SIL1: variants seen among roughly 807,000 people sequenced by gnomAD.
SIL1 encodes SIL1 nucleotide exchange factor, also known as nucleotide exchange factor SIL1.
In SIL1, 40 loss-of-function variants were observed where a neutral mutation model predicts 49.1. That is an observed-to-expected ratio of 0.81 (90% CI 0.63 to 1.06). The LOEUF (loss-of-function observed/expected upper bound fraction) is 1.06, where lower values mean the gene tolerates loss of function less well. Among genes scored for constraint, SIL1 ranks in the 50% least tolerant of loss-of-function variants. The probability of loss-of-function intolerance (pLI) is 0.00; values close to 1 mark genes in which losing one functional copy is unlikely to be tolerated. For missense variants in SIL1, 500 were observed against 572.6 expected (o/e 0.87, Z 1.29); for synonymous variants, 253 against 250.8 (o/e 1.01, Z -0.08).
Position 139,192,850 on chromosome 5 carries a change from A to G in SIL1, c.-11+5419T>C, listed in dbSNP as rs555592527. On this transcript the variant is annotated intron_variant, in intron 1 of 9. Transcript: ENST00000394817. ...GTCTCTACCAAAAAAAAAAAAAATT[A>G]GCCAGATGTGGTGGCACATGCCTGT... is the stretch of plus-strand genomic sequence containing the variant. Among the ~76,000 whole-genome samples the G allele has an allele frequency of 2.6e-5, 4 of 151,900 alleles. No homozygotes were observed. In the South Asian group the frequency reaches 8.3e-4, roughly 32 times the overall value.
intron 1 of SIL1, among the ~76,000 whole-genome samples, chr5:139,171,722 TAAAAAAGAAA>T (rs550981415): frequency 0.015 from 1,911 of 127,866 alleles, 30 homozygotes; most frequent in African/African-American, 0.051. Context: ...AGAAAAAAAA[TAAAAAAGAAA>T]AAAAAAGAAA....
chr5:139,128,298 T>C lies in SIL1; in HGVS notation c.-10-445A>G, dbSNP rs116378791. Among the ~76,000 whole-genome samples, 625 of 152,256 alleles carry C rather than the reference T, an allele frequency of 4.1e-3. 7 individuals are homozygous for C. Among genetic ancestry groups the C allele is most frequent in the African/African-American group, 0.014 (581 of 41,544 alleles). On this transcript the variant is annotated intron_variant, in intron 1 of 9. Transcript: ENST00000394817. The stretch of plus-strand genomic sequence containing the variant: ...GAAGACAGATGGCATCAATATCCTC[T>C]AAGACAGCAAAGTTCGATATTCCCA...
At chr5:139,012,845 T>C (rs1768313802) in intron 7 of SIL1, 2 of 152,214 alleles carry the variant, frequency 1.3e-5, no homozygotes, top group Admixed American at 1.3e-4. Context: ...ATGGAGCATA[T>C]GCCTGTGGTC....
At chr5:139,023,341 G>A (rs1407530597) in intron 6 of SIL1, among the ~76,000 whole-genome samples, 8 of 152,150 alleles carry the variant, frequency 5.3e-5, no homozygotes, top group Non-Finnish European at 1.2e-4. Context: ...GGTGGGACAG[G>A]CAGAGAGGAA....
intron 1 of SIL1, among the ~76,000 whole-genome samples, chr5:139,139,279 A>G (rs1464254789): frequency 6.6e-6 from 1 of 152,306 alleles, no homozygotes; most frequent in East Asian, 1.9e-4. Context: ...AGGGACTTTC[A>G]CACCACAGTC....
intron 1 of SIL1, among the ~76,000 whole-genome samples, chr5:139,191,717 G>T (rs1234682156): frequency 6.6e-6 from 1 of 152,084 alleles, no homozygotes; most frequent in Non-Finnish European, 1.5e-5. Context: ...CTTGAGCCCA[G>T]GAGTTGGAGG....
At chr5:139,040,498 CTTTT>C (rs11312366) in intron 5 of SIL1, among the ~76,000 whole-genome samples, 5 of 105,326 alleles carry the variant, frequency 4.7e-5, no homozygotes, top group Non-Finnish European at 5.6e-5. Flanking sequence ...TTTCTTTTTT[CTTTT>C]TTTTTTTTTT....
intron 8 of SIL1, 107 bp from the exon 9 acceptor site, chr5:138,951,442 G>T: frequency 8.5e-7 from 1 of 1,175,186 alleles, no homozygotes; most frequent in South Asian, 1.4e-5. Context: ...CATTCCTCCC[G>T]GCCCCACCTC....
intron 1 of SIL1, among the ~76,000 whole-genome samples, chr5:139,143,474 G>A (rs528549527): frequency 2.6e-5 from 4 of 151,602 alleles, no homozygotes; most frequent in South Asian, 4.2e-4. Flanking sequence ...GGGTTCAAGC[G>A]ATTCTCATGC....
chr5:139,192,660 G>T (rs535639769), intron 1 of SIL1, among the ~76,000 whole-genome samples: 15 of 152,190 alleles, frequency 9.9e-5, no homozygotes, highest in African/African-American at 3.4e-4. Flanking sequence ...ATGATAAATG[G>T]ACCACCTCAA....
intron 3 of SIL1, among the ~76,000 whole-genome samples, chr5:139,080,860 C>T (rs1770056900): frequency 6.6e-6 from 1 of 152,164 alleles, no homozygotes; most frequent in South Asian, 2.1e-4. Context: ...ATATTTGGAA[C>T]CTATAACCAA....
rs889722993 is a variant in SIL1, at chr5:138,947,901, G to A, written c.1030-428C>T. ...GACTCATCGTCATCACCTCCTAAGT[G>A]GAGAAACTCAGCCTGTCTGTAAAGC... On this transcript the variant is annotated intron_variant, in intron 9 of 9. Transcript: ENST00000394817. This position sits in a 1 kb window ranked among gnomAD's most constrained non-coding sequence, Gnocchi z 4.1. Among the ~76,000 whole-genome samples the A allele has an allele frequency of 6.6e-5, 10 of 152,162 alleles. No individual in the cohort carries two copies. The highest frequency in any genetic ancestry group is 6.5e-4 in the Admixed American group (10 of 15,274).
chr5:139,057,868 T>G (rs1418901014), intron 3 of SIL1, among the ~76,000 whole-genome samples: 2 of 152,186 alleles, frequency 1.3e-5, no homozygotes, highest in Non-Finnish European at 2.9e-5. Flanking sequence ...AGAAGGTGCC[T>G]TCTAAGTGTT....
intron 1 of SIL1, among the ~76,000 whole-genome samples, chr5:139,142,526 T>A (rs1751101358): frequency 6.6e-6 from 1 of 151,640 alleles, no homozygotes; most frequent in Non-Finnish European, 1.5e-5. Flanking sequence ...ATTAATAGAA[T>A]GAAGGAAAAA....
chr5:139,161,343 T>C (rs984612561), intron 1 of SIL1, among the ~76,000 whole-genome samples: 2 of 152,220 alleles, frequency 1.3e-5, no homozygotes, highest in Non-Finnish European at 2.9e-5. Flanking sequence ...TCCAATATCC[T>C]TCATTTGAGA....
chr5:138,971,942 T>C (rs946889692), intron 7 of SIL1, among the ~76,000 whole-genome samples: 4 of 152,176 alleles, frequency 2.6e-5, no homozygotes, highest in African/African-American at 9.7e-5. Context: ...GTCATCTCTC[T>C]GGCTAAATAT....
At chr5:139,171,153 G>T (rs932352848) in intron 1 of SIL1, among the ~76,000 whole-genome samples, 2 of 152,008 alleles carry the variant, frequency 1.3e-5, no homozygotes, top group African/African-American at 4.8e-5. Context: ...GCCCCTACTG[G>T]GATGTGAGGA....
At chr5:139,128,871 G>A (rs1364105083) in intron 1 of SIL1, among the ~76,000 whole-genome samples, 4 of 152,118 alleles carry the variant, frequency 2.6e-5, no homozygotes, top group Admixed American at 6.6e-5. Flanking sequence ...AGAAAGGGTC[G>A]GGTCTGGTGG....
intron 3 of SIL1, among the ~76,000 whole-genome samples, chr5:139,118,180 A>C (rs768053208): frequency 6.6e-6 from 1 of 152,208 alleles, no homozygotes; most frequent in Non-Finnish European, 1.5e-5. Context: ...CCTTGATCAA[A>C]GTCTCTGTTG....
Sources: allele counts gnomAD v4.1 joint callset (sites outside exome capture counted in the v4.1 genomes callset), GRCh38; gene constraint gnomAD v4.1.1; non-coding constraint Gnocchi (gnomAD v3.1); transcripts MANE v1.5; gene names NCBI Gene and HGNC (gene_info 2026-07-23, HGNC 2026-07-21).